Variants in PDE1A observed in about 807,000 individuals in gnomAD.
PDE1A encodes dual specificity calcium/calmodulin-dependent 3',5'-cyclic nucleotide phosphodiesterase 1A.
In PDE1A, 35 loss-of-function variants were observed where a neutral mutation model predicts 61.7. That is an observed-to-expected ratio of 0.57 (90% CI 0.43 to 0.75). The LOEUF is 0.75. PDE1A is among the 30% of genes least tolerant of loss of function. The pLI is 0.00. For missense variants in PDE1A, 597 were observed against 630.6 expected, an observed-to-expected ratio of 0.95 and a Z score of 0.57; for synonymous variants, 232 against 213.2, an observed-to-expected ratio of 1.09 and a Z score of -0.77.
At chr2:182,531,408 C>T in the PDE1A span, among the ~76,000 whole-genome samples, 3 of 148,288 alleles carry the variant, frequency 2.0e-5, no homozygotes, top group Non-Finnish European at 4.5e-5. Context: ...ATAATACTAA[C>T]CAAATGAACA....
At chr2:182,664,016 T>A in the PDE1A span, among the ~76,000 whole-genome samples, 1 of 152,122 alleles carries the variant, frequency 6.6e-6, no homozygotes, top group Non-Finnish European at 1.5e-5. Context: ...ATGTATTTTT[T>A]AAAAAACTTT....
At chr2:182,195,067 T>C (rs1686027038) in intron 10 of PDE1A, among the ~76,000 whole-genome samples, 1 of 152,162 alleles carries the variant, frequency 6.6e-6, no homozygotes, top group African/African-American at 2.4e-5. Context: ...ATTCTGCAGA[T>C]CAAAAAGGAA....
At chr2:182,509,597 T>C (rs1689656390) in intron 2 of PDE1A, among the ~76,000 whole-genome samples, 1 of 152,248 alleles carries the variant, frequency 6.6e-6, no homozygotes, top group South Asian at 2.1e-4. Flanking sequence ...TTTAATATCC[T>C]GGAGGTTCAA....
the PDE1A span, among the ~76,000 whole-genome samples, chr2:182,588,244 T>C: frequency 1.4e-3 from 208 of 152,154 alleles, 1 homozygote; most frequent in Non-Finnish European, 2.6e-3. Context: ...AAAACCAGAG[T>C]TGAGCTTCTC....
At chr2:182,515,954 CTGTGTGTGTGTGTGTG>C (rs201729102) in intron 2 of PDE1A, among the ~76,000 whole-genome samples, 10 of 130,528 alleles carry the variant, frequency 7.7e-5, no homozygotes, top group South Asian at 5.2e-4. Flanking sequence ...GTGTGTGTTT[CTGTGTGTGTGTGTGTG>C]TGTGTGTGTG....
At chr2:182,475,139 C>G (rs927509502) in intron 2 of PDE1A, among the ~76,000 whole-genome samples, 1 of 151,860 alleles carries the variant, frequency 6.6e-6, no homozygotes, top group African/African-American at 2.4e-5. Context: ...CTTTCAGGAG[C>G]CAAGTAAGAA....
intron 1 of PDE1A, among the ~76,000 whole-genome samples, chr2:182,273,712 T>C (rs1229635480): frequency 6.6e-6 from 1 of 151,988 alleles, no homozygotes; most frequent in African/African-American, 2.4e-5. Context: ...TCAAATTAAA[T>C]TGTGGCTTAG....
the PDE1A span, among the ~76,000 whole-genome samples, chr2:182,601,642 A>G: frequency 6.6e-6 from 1 of 152,086 alleles, no homozygotes; most frequent in Admixed American, 6.5e-5. Context: ...GAGCTCAGAG[A>G]CCTGCTGTGG....
chr2:182,645,420 T>A, the PDE1A span, among the ~76,000 whole-genome samples: 1 of 152,234 alleles, frequency 6.6e-6, no homozygotes, highest in African/African-American at 2.4e-5. Context: ...TGGCAATCTA[T>A]CTTTTTTCAC....
chr2:182,465,864 T>C (rs1169725259), intron 2 of PDE1A, among the ~76,000 whole-genome samples: 1 of 152,138 alleles, frequency 6.6e-6, no homozygotes, highest in East Asian at 1.9e-4. Context: ...AACATGTCAA[T>C]TCATTAAATA....
chr2:182,545,936 T>C, the PDE1A span, among the ~76,000 whole-genome samples: 1 of 152,218 alleles, frequency 6.6e-6, no homozygotes, highest in Non-Finnish European at 1.5e-5. Flanking sequence ...ACTTTTATCA[T>C]ACAGAGTTTT....
At chr2:182,157,722 A>T (rs1210734891) in intron 13 of PDE1A, among the ~76,000 whole-genome samples, 1 of 152,228 alleles carries the variant, frequency 6.6e-6, no homozygotes, top group Non-Finnish European at 1.5e-5. Flanking sequence ...TGGTATGCAT[A>T]ATCCAAAATT....
At chr2:182,289,492 T>C (rs1316989168) in intron 1 of PDE1A, among the ~76,000 whole-genome samples, 1 of 152,146 alleles carries the variant, frequency 6.6e-6, no homozygotes, top group Non-Finnish European at 1.5e-5. Context: ...ATAAATATTT[T>C]AACTAGGGCT....
intron 1 of PDE1A, among the ~76,000 whole-genome samples, chr2:182,396,968 A>G (rs536853493): frequency 3.0e-4 from 46 of 152,314 alleles, no homozygotes; most frequent in Non-Finnish European, 5.6e-4. Flanking sequence ...ACAACATAGC[A>G]CAAATTTATC....
At chr2:182,406,062 T>C (rs1331003470) in intron 1 of PDE1A, among the ~76,000 whole-genome samples, 1 of 152,092 alleles carries the variant, frequency 6.6e-6, no homozygotes, top group African/African-American at 2.4e-5. Context: ...TAATAATAGC[T>C]ATCATTTATC....
chr2:182,147,517 T>C (rs866372653), intron 13 of PDE1A, among the ~76,000 whole-genome samples: 2 of 152,350 alleles, frequency 1.3e-5, no homozygotes, highest in Admixed American at 1.3e-4. Context: ...GATCAATGTT[T>C]TTTAACCATA....
At chr2:182,574,775 T>A in the PDE1A span, among the ~76,000 whole-genome samples, 1 of 152,142 alleles carries the variant, frequency 6.6e-6, no homozygotes, top group South Asian at 2.1e-4. Context: ...CACTGTAAGC[T>A]CTGCCTCCAG....
rs763944589 is a variant in PDE1A at position 182,352,155 on chromosome 2, G to A, written c.53+74423C>T. On this transcript the variant is annotated intron_variant, in intron 1 of 13. Coordinates refer to ENST00000351439, the Ensembl canonical transcript of PDE1A. ...TATGTTTGCTTCAAGCCACCTTGAGGGATGAGGTAATGTTTCCCATTGGGA... is the reference window on the plus strand; with the variant it reads ...TATGTTTGCTTCAAGCCACCTTGAGAGATGAGGTAATGTTTCCCATTGGGA... 5.3e-5 allele frequency among the ~76,000 whole-genome samples: 8 copies of A among 152,286 alleles called. No homozygotes were observed. The East Asian group carries it at 1.5e-3, about 29-fold the overall frequency.
At chr2:182,495,327 C>T (rs1326587803) in intron 2 of PDE1A, among the ~76,000 whole-genome samples, 1 of 152,158 alleles carries the variant, frequency 6.6e-6, no homozygotes, top group African/African-American at 2.4e-5. Flanking sequence ...CCAGAGGAGG[C>T]CTGTCTCTAA....
Sources: allele counts gnomAD v4.1 joint callset (sites outside exome capture counted in the v4.1 genomes callset), GRCh38; gene constraint gnomAD v4.1.1; transcripts MANE v1.5; gene names NCBI Gene and HGNC (gene_info 2026-07-23, HGNC 2026-07-21).